The following CACNA1D variants were observed in gnomAD, a reference collection of about 807,000 sequenced individuals.
CACNA1D encodes the protein voltage-dependent L-type calcium channel subunit alpha-1D.
CACNA1D carries 55 observed loss-of-function variants against 257.1 expected under a neutral mutation model. That is an observed-to-expected ratio of 0.21 (90% confidence interval 0.17 to 0.27). The LOEUF (loss-of-function observed/expected upper bound fraction) is 0.27. CACNA1D is among the 10% of genes least tolerant of loss of function. The pLI is 1.00. For missense variants in CACNA1D, 1,876 were observed against 2,784.0 expected, an observed-to-expected ratio of 0.67 and a Z score of 7.34; for synonymous variants, 980 against 1,014.9, an observed-to-expected ratio of 0.97 and a Z score of 0.65.
intron 37 of CACNA1D, among the ~76,000 whole-genome samples, chr3:53,779,322 A>T (rs931184568): frequency 1.3e-5 from 2 of 152,192 alleles, no homozygotes; most frequent in African/African-American, 4.8e-5. Context: ...GTCATCCCAG[A>T]GTCCCCTAAG....
intron 30 of CACNA1D, among the ~76,000 whole-genome samples, chr3:53,767,408 T>C (rs748544527): frequency 4.0e-5 from 6 of 151,544 alleles, no homozygotes; most frequent in Non-Finnish European, 7.4e-5. Flanking sequence ...CTACTGAAAA[T>C]ACAAAAAATT....
chr3:53,751,135 G>C lies in CACNA1D; in HGVS notation c.3517-614G>C, dbSNP rs763747945. 1.3e-5 allele frequency among the ~76,000 whole-genome samples: 2 copies of C among 152,202 alleles called. No homozygotes were observed. The highest frequency in any genetic ancestry group is 2.4e-5 in the African/African-American group (1 of 41,456). ...ACACAACAAGCTCCCCAGCCCAGAA[G>C]CTCCCCGATGGACATGTGGATAGCT... On this transcript the variant is annotated intron_variant, in intron 27 of 47. Transcript: ENST00000350061. This position sits in a 1 kb window ranked among gnomAD's most constrained non-coding sequence, Gnocchi z 4.3.
chr3:53,524,022 C>A (rs2091674110), intron 3 of CACNA1D, among the ~76,000 whole-genome samples: 1 of 152,200 alleles, frequency 6.6e-6, no homozygotes, highest in African/African-American at 2.4e-5. Flanking sequence ...TTTTGCTGGG[C>A]TTCTCAGGTA....
At chr3:53,565,467 A>G (rs752601558) in intron 3 of CACNA1D, among the ~76,000 whole-genome samples, 31 of 152,158 alleles carry the variant, frequency 2.0e-4, no homozygotes, top group Non-Finnish European at 3.4e-4. Flanking sequence ...AGCTCTATTT[A>G]TCTGCATGGC....
chr3:53,551,621 A>C (rs1367249941), intron 3 of CACNA1D, among the ~76,000 whole-genome samples: 2 of 152,140 alleles, frequency 1.3e-5, no homozygotes, highest in Non-Finnish European at 2.9e-5. Context: ...ATTTTCCTAA[A>C]CCCACACTTC....
chr3:53,604,394 GAGA>G (rs750766904), intron 3 of CACNA1D, among the ~76,000 whole-genome samples: 43 of 152,334 alleles, frequency 2.8e-4, no homozygotes, highest in Non-Finnish European at 5.4e-4. Context: ...CTCTTCAGGA[GAGA>G]AGAACAACCT....
At chr3:53,669,715 A>G (rs2094304507) in intron 7 of CACNA1D, among the ~76,000 whole-genome samples, 1 of 152,258 alleles carries the variant, frequency 6.6e-6, no homozygotes. Context: ...AAGTGGGATC[A>G]TTAAGTTCTG....
intron 4 of CACNA1D, among the ~76,000 whole-genome samples, chr3:53,655,452 CT>C (rs2094139052): frequency 6.6e-6 from 1 of 152,104 alleles, no homozygotes; most frequent in Admixed American, 6.5e-5. Flanking sequence ...TAAGCATTCC[CT>C]TTTCTCTGCA....
chr3:53,632,732 A>G (rs1269458843), intron 3 of CACNA1D, among the ~76,000 whole-genome samples: 1 of 152,230 alleles, frequency 6.6e-6, no homozygotes, highest in Non-Finnish European at 1.5e-5. Flanking sequence ...GTCTCAGGGA[A>G]TATGGAAGCC....
intron 3 of CACNA1D, among the ~76,000 whole-genome samples, chr3:53,579,716 A>AAGCAGGGC (rs1177827199): frequency 6.6e-6 from 1 of 152,230 alleles, no homozygotes; most frequent in East Asian, 1.9e-4. Context: ...ACATCTTAGC[A>AAGCAGGGC]AGCAGGGCTT....
chr3:53,542,133 T>C (rs2092312227), intron 3 of CACNA1D, among the ~76,000 whole-genome samples: 1 of 152,094 alleles, frequency 6.6e-6, no homozygotes, highest in Non-Finnish European at 1.5e-5. Context: ...TGTACTTAAA[T>C]GAATTGCATG....
intron 3 of CACNA1D, among the ~76,000 whole-genome samples, chr3:53,545,517 T>C (rs3821845): frequency 0.079 from 12,089 of 152,234 alleles, 1,306 homozygotes; most frequent in African/African-American, 0.25. Flanking sequence ...GGAGAGGTGA[T>C]TCCCAGGGGA....
chr3:53,803,286 G>A, intron 43 of CACNA1D, 137 bp from the exon 44 acceptor site: 1 of 891,664 alleles, frequency 1.1e-6, no homozygotes. Context: ...GAACAGTCCA[G>A]TGCTGCCTGA....
At chr3:53,708,573 C>T (rs1194246513) in intron 9 of CACNA1D, among the ~76,000 whole-genome samples, 4 of 152,246 alleles carry the variant, frequency 2.6e-5, no homozygotes, top group Non-Finnish European at 4.4e-5. Context: ...CCATCACCTT[C>T]AGCCTCCTAA....
At chr3:53,542,127 C>T (rs981837340) in intron 3 of CACNA1D, among the ~76,000 whole-genome samples, 2 of 151,752 alleles carry the variant, frequency 1.3e-5, no homozygotes, top group African/African-American at 4.8e-5. Flanking sequence ...AAATTGTGTA[C>T]TTAAATGAAT....
At chr3:53,584,118 GTC>G (rs2093175465) in intron 3 of CACNA1D, among the ~76,000 whole-genome samples, 1 of 152,102 alleles carries the variant, frequency 6.6e-6, no homozygotes, top group South Asian at 2.1e-4. Flanking sequence ...CTCATGGATT[GTC>G]TCTCTATCTG....
At chr3:53,584,926 T>C (rs982938713) in intron 3 of CACNA1D, among the ~76,000 whole-genome samples, 2 of 151,976 alleles carry the variant, frequency 1.3e-5, no homozygotes, top group African/African-American at 2.4e-5. Flanking sequence ...AAAAATACAA[T>C]GTCTCAATAG....
Position 53,495,905 on chromosome 3 carries a change from C to T in CACNA1D, c.67+672C>T, listed in dbSNP as rs1381004019. On this transcript the variant is annotated intron_variant, in intron 1 of 47. Coordinates refer to ENST00000350061, the MANE Select transcript of CACNA1D (RefSeq NM_001128840.3). The surrounding 1 kb of genome is among the most constrained non-coding windows in gnomAD (Gnocchi z 5.1). ...CGGGCACCACGTGCAGCTTCCACGC[C>T]GGCCGGGGCTGGGTCGAGGGAGGAT... Among the ~76,000 whole-genome samples, 2 of 152,368 alleles carry T rather than the reference C, an allele frequency of 1.3e-5. No individual in the cohort carries two copies. Among genetic ancestry groups the T allele is most frequent in the Non-Finnish European group, 2.9e-5 (2 of 68,040 alleles).
intron 14 of CACNA1D, among the ~76,000 whole-genome samples, chr3:53,725,866 A>AT (rs2094930165): frequency 6.6e-6 from 1 of 152,088 alleles, no homozygotes; most frequent in Admixed American, 6.5e-5. Flanking sequence ...GGAAGATAGC[A>AT]TTTTTTTCAT....
Sources: gnomAD v4.1 joint callset for allele counts (sites outside exome capture counted in the v4.1 genomes callset) on GRCh38, gnomAD v4.1.1 for gene constraint, Gnocchi (gnomAD v3.1) non-coding constraint, MANE v1.5 for transcripts, NCBI Gene and HGNC (gene_info 2026-07-23, HGNC 2026-07-21) for gene names.